The following SLC7A1 variants were observed in gnomAD, a reference collection of about 807,000 sequenced individuals.
SLC7A1 encodes the protein high affinity cationic amino acid transporter 1.
A neutral mutation model predicts 53.9 loss-of-function variants in SLC7A1; 10 were observed. That is an observed-to-expected ratio of 0.19 (90% CI 0.11 to 0.31). The LOEUF (loss-of-function observed/expected upper bound fraction) is 0.31. Ranked by LOEUF, SLC7A1 falls within the 10% of genes least tolerant of loss-of-function variation. The pLI, the probability that SLC7A1 is intolerant of heterozygous loss-of-function variation, is 1.00. For synonymous variants in SLC7A1, 342 were observed against 338.7 expected (o/e 1.01, Z -0.11); for missense variants, 525 against 827.2 (o/e 0.63, Z 4.48).
chr13:29,579,308 A>T (rs1871543393), intron 1 of SLC7A1, among the ~76,000 whole-genome samples: 1 of 152,034 alleles, frequency 6.6e-6, no homozygotes, highest in East Asian at 1.9e-4. Context: ...ACGGCCAGGG[A>T]TCTGACACCA....
Position 29,536,153 on chromosome 13 carries a change from C to T in SLC7A1, c.36G>A (p.Gln12=), listed in dbSNP as rs1225062842. The T allele has an allele frequency of 6.8e-6, 11 of 1,613,912 alleles. No individual in the cohort carries two copies. The highest frequency in any genetic ancestry group is 9.3e-6 in the Non-Finnish European group (11 of 1,179,922). ...GCKVLLNIGQ[Q]MLRRKVVDCS... is the part of the protein sequence containing the mutation. ...AGTCCACCACCTTCCGCCGCAGCAT[C>T]TGCTGCCCAATGTTGAGCAGGACTT... is the stretch of plus-strand genomic sequence containing the variant. The change falls in exon 3 of 13, where the codon CAG becomes CAA. Residue 12 remains glutamine, a synonymous_variant. Transcript: ENST00000380752.
intron 1 of SLC7A1, among the ~76,000 whole-genome samples, chr13:29,565,724 C>T (rs1385340053): frequency 2.0e-5 from 3 of 152,188 alleles, no homozygotes; most frequent in East Asian, 3.8e-4. Context: ...TGGAGAAAAG[C>T]CCGGGAAAGA....
rs140362586 is a variant in SLC7A1 at position 29,522,477 on chromosome 13, C to T, written c.1050-21G>A. 1.9e-3 allele frequency: 3,134 copies of T among 1,613,892 alleles called. 11 individuals are homozygous for T. The highest frequency in any genetic ancestry group is 2.0e-3 in the Non-Finnish European group (2,400 of 1,179,866). On this transcript the variant is annotated intron_variant, in intron 7 of 12. Coordinates refer to ENST00000380752, the MANE Select transcript of SLC7A1 (RefSeq NM_003045.5). ...GAAGACTAGATGGGGAGAGGCAAAC[C>T]GCGTGAGTGAACCTGGCTCATAAGG... is the stretch of plus-strand genomic sequence containing the variant.
chr13:29,582,286 C>T (rs147583181), intron 1 of SLC7A1, among the ~76,000 whole-genome samples: 41 of 152,284 alleles, frequency 2.7e-4, no homozygotes, highest in Admixed American at 1.8e-3. Flanking sequence ...CACTCCTTGC[C>T]GGTGCCAGAA....
At chr13:29,533,167 A>G (rs1031444019) in intron 3 of SLC7A1, among the ~76,000 whole-genome samples, 185 bp from the exon 4 acceptor site, 1 of 152,194 alleles carries the variant, frequency 6.6e-6, no homozygotes, top group African/African-American at 2.4e-5. Context: ...TAAGTGCGAG[A>G]AGGCTTCTAG....
chr13:29,517,432 G>C, intron 10 of SLC7A1, 122 bp from the exon 11 acceptor site: 1 of 1,249,334 alleles, frequency 8.0e-7, no homozygotes, highest in East Asian at 2.3e-5. Context: ...CACAACTACA[G>C]TTAACACAGA....
In SLC7A1 at chr13:29,513,559, G is replaced by A. The variant is rs1883461076; in HGVS notation, c.*921C>T. 6.5e-6 allele frequency: 1 copy of A among 152,782 alleles called. No individual in the cohort carries two copies. The allele number at this position is 152,782 out of a possible 1,614,324, so 9.5% of individuals were successfully genotyped here. On this transcript the variant is annotated 3_prime_UTR_variant, in exon 13 of 13. Coordinates refer to ENST00000380752, the MANE Select transcript of SLC7A1 (RefSeq NM_003045.5). ...CCACCAGACTGGCTCCAAAGCATGG[G>A]AGGGCAAGACTGAGTGAACGGTGGC...
At chr13:29,542,723 A>G (rs1398369005) in intron 2 of SLC7A1, among the ~76,000 whole-genome samples, 1 of 152,020 alleles carries the variant, frequency 6.6e-6, no homozygotes, top group Admixed American at 6.5e-5. Flanking sequence ...GACCATAAGA[A>G]AATTGAATTG....
chr13:29,588,212 G>T (rs1321214237), intron 1 of SLC7A1, among the ~76,000 whole-genome samples: 1 of 152,196 alleles, frequency 6.6e-6, no homozygotes, highest in Non-Finnish European at 1.5e-5. Context: ...CTGTGGCCTA[G>T]ATCGCAGGGT....
intron 2 of SLC7A1, among the ~76,000 whole-genome samples, chr13:29,550,518 T>C (rs1320426763): frequency 1.3e-5 from 2 of 152,256 alleles, no homozygotes; most frequent in African/African-American, 2.4e-5. Context: ...CAACTGCAGA[T>C]GGCTTCTGGG....
At chr13:29,540,129 A>G (rs1002264778) in intron 2 of SLC7A1, among the ~76,000 whole-genome samples, 1 of 152,212 alleles carries the variant, frequency 6.6e-6, no homozygotes, top group African/African-American at 2.4e-5. Context: ...GCACAGACTT[A>G]GCTAACCATT....
chr13:29,544,877 G>C (rs1028621232), intron 2 of SLC7A1, among the ~76,000 whole-genome samples: 4 of 150,532 alleles, frequency 2.7e-5, no homozygotes, highest in African/African-American at 4.9e-5. Flanking sequence ...CGGGGGGGGG[G>C]GGCAAGCTCT....
intron 2 of SLC7A1, among the ~76,000 whole-genome samples, chr13:29,552,222 TACACAC>T (rs34563180): frequency 0.017 from 2,553 of 146,480 alleles, 56 homozygotes; most frequent in African/African-American, 0.05. Flanking sequence ...TGAGGGTCAT[TACACAC>T]ACACACACAC....
chr13:29,529,444 A>G (rs972931689), intron 5 of SLC7A1, among the ~76,000 whole-genome samples: 2 of 152,150 alleles, frequency 1.3e-5, no homozygotes, highest in African/African-American at 4.8e-5. Flanking sequence ...ACTCTTGCCA[A>G]TGGAATGTCT....
intron 1 of SLC7A1, among the ~76,000 whole-genome samples, chr13:29,593,412 C>T (rs1173169502): frequency 1.3e-5 from 2 of 152,200 alleles, no homozygotes; most frequent in Non-Finnish European, 2.9e-5. Flanking sequence ...TGATAGGCAT[C>T]TCTGAAGATG....
intron 1 of SLC7A1, among the ~76,000 whole-genome samples, chr13:29,555,410 G>A (rs1870396029): frequency 6.9e-6 from 1 of 144,580 alleles, no homozygotes; most frequent in Non-Finnish European, 1.5e-5. Context: ...AAACTGTAAT[G>A]CCATGATCAC....
chr13:29,591,923 G>T (rs1008896290), intron 1 of SLC7A1, among the ~76,000 whole-genome samples: 1 of 152,158 alleles, frequency 6.6e-6, no homozygotes, highest in Non-Finnish European at 1.5e-5. Context: ...GCATGGACTT[G>T]GTGCCTTGAT....
chr13:29,554,664 T>C (rs777149060), intron 1 of SLC7A1, among the ~76,000 whole-genome samples: 30 of 152,250 alleles, frequency 2.0e-4, no homozygotes, highest in Non-Finnish European at 4.3e-4. Flanking sequence ...GTCTGAAATA[T>C]GATTTGCACC....
chr13:29,561,466 A>C (rs927987614), intron 1 of SLC7A1, among the ~76,000 whole-genome samples: 7 of 152,232 alleles, frequency 4.6e-5, no homozygotes, highest in African/African-American at 1.7e-4. Context: ...CAGCCCAGGC[A>C]GCTCCCGAGG....
Sources: allele counts gnomAD v4.1 joint callset (sites outside exome capture counted in the v4.1 genomes callset), GRCh38; gene constraint gnomAD v4.1.1; transcripts MANE v1.5; gene names NCBI Gene and HGNC (gene_info 2026-07-23, HGNC 2026-07-21).